Variants in SVEP1 observed in about 807,000 individuals in gnomAD.
SVEP1 encodes the protein sushi, von Willebrand factor type A, EGF and pentraxin domain-containing protein 1.
SVEP1 carries 164 observed loss-of-function variants against 367.3 expected under a neutral mutation model. That is an observed-to-expected ratio of 0.45 (90% CI 0.39 to 0.51). The LOEUF (loss-of-function observed/expected upper bound fraction) is 0.51. Ranked by LOEUF, SVEP1 falls within the 20% of genes least tolerant of loss-of-function variation. The probability of loss-of-function intolerance (pLI) is 0.00; values close to 1 mark genes in which losing one functional copy is unlikely to be tolerated. For synonymous variants in SVEP1, 1,666 were observed against 1,611.6 expected (o/e 1.03, Z -0.81); for missense variants, 4,117 against 4,425.3 (o/e 0.93, Z 1.98).
chr9:110,368,312 CTAGT>C (rs994381299), intron 47 of SVEP1, among the ~76,000 whole-genome samples: 1 of 152,168 alleles, frequency 6.6e-6, no homozygotes, highest in Non-Finnish European at 1.5e-5. Context: ...TTTGCTTAAA[CTAGT>C]TAGAGTTTTA....
chr9:110,405,854 T>C (rs1176024833), intron 38 of SVEP1, among the ~76,000 whole-genome samples: 2 of 152,250 alleles, frequency 1.3e-5, no homozygotes, highest in Non-Finnish European at 2.9e-5. Context: ...AAAAAACAGC[T>C]TCACGATTCC....
chr9:110,371,870 C>G (rs552997559), intron 46 of SVEP1, among the ~76,000 whole-genome samples: 33 of 152,200 alleles, frequency 2.2e-4, no homozygotes, highest in African/African-American at 7.0e-4. Context: ...ATGAATCTCT[C>G]TATTGTAAGT....
intron 3 of SVEP1, among the ~76,000 whole-genome samples, chr9:110,533,536 A>C (rs997978698): frequency 2.6e-5 from 4 of 152,004 alleles, no homozygotes; most frequent in Admixed American, 1.3e-4. Flanking sequence ...GCATCCTTGA[A>C]TTTTACTATC....
rs774321137 is a variant in SVEP1 at position 110,443,561 on chromosome 9, A to C, written c.4623T>G (p.Val1541=). The part of the protein sequence containing the change: ...KLSDGGAGLS[V]GLPIPGGGAL... The stretch of plus-strand genomic sequence containing the variant: ...AAAACATACCAGGTATGGGCAAACC[A>C]ACAGAGAGGCCAGCACCACCGTCAG... Residue 1541 remains valine (V), a synonymous_variant, in exon 27 of 48, where the codon GTT becomes GTG. Transcript: ENST00000374469. The C allele has an allele frequency of 6.2e-7, 1 of 1,608,964 alleles. No homozygotes were observed. The highest frequency in any genetic ancestry group is 8.5e-7 in the Non-Finnish European group (1 of 1,177,666).
At chr9:110,375,487 A>G in intron 45 of SVEP1, 24 bp from the exon 46 acceptor site, 6 of 1,408,896 alleles carry the variant, frequency 4.3e-6, no homozygotes, top group Non-Finnish European at 5.8e-6. Flanking sequence ...AAAAAAAAAA[A>G]AAAGGAGGCA....
At chr9:110,517,925 AAAG>A (rs1450135679) in intron 3 of SVEP1, among the ~76,000 whole-genome samples, 8 of 152,140 alleles carry the variant, frequency 5.3e-5, no homozygotes, top group Admixed American at 1.3e-4. Context: ...AACAAATACT[AAAG>A]AAAGTCTAAG....
intron 3 of SVEP1, among the ~76,000 whole-genome samples, chr9:110,521,667 G>A (rs1015492704): frequency 6.6e-6 from 1 of 152,154 alleles, no homozygotes. Context: ...GTTGTTGAAA[G>A]CTCTGTATTC....
chr9:110,503,582 A>G (rs1829574729), intron 5 of SVEP1, among the ~76,000 whole-genome samples: 1 of 152,182 alleles, frequency 6.6e-6, no homozygotes, highest in African/African-American at 2.4e-5. Flanking sequence ...GCTACATTAC[A>G]ACAAAAGGAA....
intron 9 of SVEP1, among the ~76,000 whole-genome samples, chr9:110,488,704 A>AT (rs1311387693): frequency 5.6e-5 from 8 of 143,096 alleles, no homozygotes; most frequent in Admixed American, 4.4e-4. Context: ...CTACAAAAAA[A>AT]TTAAAAAAAA....
intron 36 of SVEP1, 151 bp downstream of exon 36, chr9:110,427,440 G>T: frequency 1.2e-6 from 1 of 859,588 alleles, no homozygotes; most frequent in Non-Finnish European, 1.7e-6. Context: ...AATATACTCC[G>T]TCTCTGCAGG....
Position 110,432,037 on chromosome 9 carries a change from A to G in SVEP1, c.5234-3T>C. On this transcript the variant is annotated splice_polypyrimidine_tract_variant and splice_region_variant and intron_variant, in intron 31 of 47. Coordinates refer to ENST00000374469, the MANE Select transcript of SVEP1 (RefSeq NM_153366.4). ...TCCAACTGCACACTCATCGACATCT[A>G]AAATGAAGACAGCTTATAAATATTA... 1 of 1,593,924 alleles carries G rather than the reference A, an allele frequency of 6.3e-7. No homozygotes were observed. Among genetic ancestry groups the G allele is most frequent in the Non-Finnish European group, 8.5e-7 (1 of 1,172,608 alleles).
In SVEP1 at chr9:110,385,943, A is replaced by T; in HGVS notation, c.10192T>A (p.Cys3398Ser). Reference protein sequence around the residue: ...FLLQGHGIITCNPDETWTQTS... With the variant: ...FLLQGHGIITSNPDETWTQTS... ...TGTGTCCACGTCTCGTCGGGGTTGC[A>T]GGTAATGATGCCGTGGCCCTGCAGC... The change falls in exon 43 of 48, where the codon TGC becomes AGC. Residue 3398 changes from cysteine to serine, a missense_variant. Physicochemically the swap from Cys to Ser is moderately radical, Grantham distance 112. Coordinates refer to ENST00000374469, the MANE Select transcript of SVEP1 (RefSeq NM_153366.4). The T allele has an allele frequency of 6.2e-7, 1 of 1,613,942 alleles. No individual in the cohort carries two copies. The highest frequency in any genetic ancestry group is 2.2e-5 in the East Asian group (1 of 44,864).
In SVEP1 at chr9:110,579,496, C is replaced by A. The variant is rs775969127; in HGVS notation, c.48G>T (p.Ser16=). The change falls in exon 1 of 48, where the codon TCG becomes TCT. Residue 16 remains serine (S), a synonymous_variant. Transcript: ENST00000374469. This position sits in a 1 kb window ranked among gnomAD's most constrained non-coding sequence, Gnocchi z 5.3. ...ACATCTGCTGAAAGGTCGCCCAGCC[C>A]GAAACGAGCGCCAGACCCCAGCAAC... The part of the protein sequence containing the change: ...AFCCWGLALV[S]GWATFQQMSP... 77 of 1,605,216 alleles carry A rather than the reference C, an allele frequency of 4.8e-5. No homozygotes were observed. The highest frequency in any genetic ancestry group is 6.3e-5 in the Non-Finnish European group (74 of 1,177,038).
At chr9:110,424,510 G>A (rs1828223784) in intron 36 of SVEP1, among the ~76,000 whole-genome samples, 1 of 152,148 alleles carries the variant, frequency 6.6e-6, no homozygotes, top group South Asian at 2.1e-4. Context: ...ACTTTGAGGA[G>A]CATAGATGAG....
intron 5 of SVEP1, among the ~76,000 whole-genome samples, 158 bp from the exon 6 acceptor site, chr9:110,503,375 G>A (rs895694344): frequency 2.0e-5 from 3 of 152,098 alleles, no homozygotes; most frequent in African/African-American, 7.2e-5. Context: ...AGTTCTTATG[G>A]GACAATTGAA....
In SVEP1 at chr9:110,366,415, T is replaced by C. The variant is rs957465059; in HGVS notation, c.*124A>G. The C allele has an allele frequency of 3.1e-5, 29 of 931,874 alleles. No homozygotes were observed. The highest frequency in any genetic ancestry group is 3.6e-5 in the Admixed American group (1 of 27,748). The allele number at this position is 931,874 out of a possible 1,614,324, so 57.7% of individuals were successfully genotyped here. ...ACAAAATAAAAAAAGTAACCCCAAGTAACAAGTTTACTAAACAAGACCCAG... is the reference window on the plus strand; with the variant it reads ...ACAAAATAAAAAAAGTAACCCCAAGCAACAAGTTTACTAAACAAGACCCAG... On this transcript the variant is annotated 3_prime_UTR_variant, in exon 48 of 48. Transcript: ENST00000374469.
chr9:110,401,594 A>T (rs937389200), intron 39 of SVEP1, among the ~76,000 whole-genome samples: 3 of 150,688 alleles, frequency 2.0e-5, no homozygotes, highest in Non-Finnish European at 3.0e-5. Flanking sequence ...TAAATTTTAT[A>T]AAGAAATCCT....
chr9:110,466,039 A>T lies in SVEP1; in HGVS notation c.3161-13T>A, dbSNP rs1828931952. On this transcript the variant is annotated splice_polypyrimidine_tract_variant and intron_variant, in intron 17 of 47. Coordinates refer to ENST00000374469, the MANE Select transcript of SVEP1 (RefSeq NM_153366.4). Reference sequence around the variant, plus strand: ...TGTTTACACTGAGCTGAAAAGAAAAAGGTAATATTACTATCAATAATGATA... The same window carrying T: ...TGTTTACACTGAGCTGAAAAGAAAATGGTAATATTACTATCAATAATGATA... 1 of 1,607,618 alleles carries T rather than the reference A, an allele frequency of 6.2e-7. No individual in the cohort carries two copies. Among genetic ancestry groups the T allele is most frequent in the Non-Finnish European group, 8.5e-7 (1 of 1,175,506 alleles).
intron 47 of SVEP1, among the ~76,000 whole-genome samples, chr9:110,367,797 C>T (rs1827221382): frequency 6.6e-6 from 1 of 152,062 alleles, no homozygotes; most frequent in South Asian, 2.1e-4. Flanking sequence ...AAATTTTGTC[C>T]TGGCCAGGCA....
Sources: allele counts gnomAD v4.1 joint callset (sites outside exome capture counted in the v4.1 genomes callset), GRCh38; gene constraint gnomAD v4.1.1; non-coding constraint Gnocchi (gnomAD v3.1); transcripts MANE v1.5; gene names NCBI Gene and HGNC (gene_info 2026-07-23, HGNC 2026-07-21).